UBXN2B: variants seen among roughly 807,000 people sequenced by gnomAD.
UBXN2B encodes the protein UBX domain protein 2B, also known as UBX domain-containing protein 2B.
Under a neutral mutation model 37.5 loss-of-function variants are expected in UBXN2B, and 19 were observed. The observed-to-expected ratio is 0.51, with a 90% CI of 0.35 to 0.74. The LOEUF is 0.74. Among genes scored for constraint, UBXN2B ranks in the 30% least tolerant of loss-of-function variants. The probability of loss-of-function intolerance (pLI) is 0.01; values close to 1 mark genes in which losing one functional copy is unlikely to be tolerated. For missense variants in UBXN2B, 370 were observed against 393.2 expected, an observed-to-expected ratio of 0.94 and a Z score of 0.50; for synonymous variants, 145 against 143.8, an observed-to-expected ratio of 1.01 and a Z score of -0.06.
intron 5 of UBXN2B, among the ~76,000 whole-genome samples, chr8:58,439,239 A>G (rs1808488054): frequency 6.6e-6 from 1 of 152,204 alleles, no homozygotes; most frequent in South Asian, 2.1e-4. Context: ...TAGTACACCC[A>G]ACAAGCAAAA....
In UBXN2B at chr8:58,417,232, A is replaced by T. The variant is rs1807808710; in HGVS notation, c.188+279A>T. On this transcript the variant is annotated intron_variant, in intron 2 of 7. Coordinates refer to ENST00000399598, the MANE Select transcript of UBXN2B (RefSeq NM_001077619.2). The stretch of plus-strand genomic sequence containing the variant: ...GATATCATATGAAATTATATCCTGA[A>T]TACTATTTTTCTTGGGCACAATGGT... Among the ~76,000 whole-genome samples, 5 of 152,302 alleles carry T rather than the reference A, an allele frequency of 3.3e-5. No individual in the cohort carries two copies. In the South Asian group the frequency reaches 1.0e-3, roughly 32 times the overall value.
At chr8:58,443,225 AT>A (rs1808593361) in intron 6 of UBXN2B, among the ~76,000 whole-genome samples, 2 of 152,210 alleles carry the variant, frequency 1.3e-5, no homozygotes, top group African/African-American at 4.8e-5. Context: ...CATTCTTATT[AT>A]GTTTCCCTCC....
intron 5 of UBXN2B, chr8:58,434,712 CA>C (rs1288142329): frequency 3.0e-5 from 39 of 1,319,448 alleles, no homozygotes; most frequent in Non-Finnish European, 3.5e-5. Flanking sequence ...TTTTGTGGGC[CA>C]GGGGCATTGG....
intron 2 of UBXN2B, among the ~76,000 whole-genome samples, chr8:58,430,125 G>T (rs1027988604): frequency 6.6e-6 from 1 of 152,142 alleles, no homozygotes; most frequent in Non-Finnish European, 1.5e-5. Context: ...CACTAACTAG[G>T]TCTCTACTGA....
intron 3 of UBXN2B, 56 bp downstream of exon 3, chr8:58,430,725 A>G: frequency 7.1e-6 from 9 of 1,259,822 alleles, no homozygotes; most frequent in African/African-American, 1.6e-5. Context: ...CTCCTCTTTC[A>G]TTTTTCTATT....
At chr8:58,440,890 G>T (rs957128699) in intron 6 of UBXN2B, among the ~76,000 whole-genome samples, 2 of 152,108 alleles carry the variant, frequency 1.3e-5, no homozygotes, top group African/African-American at 2.4e-5. Flanking sequence ...AGGAATTTAT[G>T]TTGACCTGTT....
intron 1 of UBXN2B, 27 bp downstream of exon 1, chr8:58,411,496 C>T (rs756031240): frequency 1.6e-5 from 20 of 1,246,906 alleles, no homozygotes; most frequent in South Asian, 3.6e-5. Context: ...GGGGAGGGAG[C>T]GCGGCGGTGG....
At chr8:58,427,322 G>A (rs558347343) in intron 2 of UBXN2B, among the ~76,000 whole-genome samples, 76 of 152,272 alleles carry the variant, frequency 5.0e-4, no homozygotes, top group African/African-American at 1.8e-3. Flanking sequence ...AAATAGCCAA[G>A]CGTGGTGGTG....
At chr8:58,412,389 C>G (rs1238388731) in intron 1 of UBXN2B, among the ~76,000 whole-genome samples, 5 of 152,170 alleles carry the variant, frequency 3.3e-5, no homozygotes, top group Admixed American at 3.3e-4. Flanking sequence ...AAAGACAGTT[C>G]TACCTTTTGG....
intron 6 of UBXN2B, among the ~76,000 whole-genome samples, chr8:58,440,610 C>T (rs16923480): frequency 0.2 from 30,209 of 152,108 alleles, 3,181 homozygotes; most frequent in Middle Eastern, 0.28. Context: ...ACCCTCTACT[C>T]GTCCACATAT....
At chr8:58,418,199 C>T (rs117574955) in intron 2 of UBXN2B, among the ~76,000 whole-genome samples, 26 of 142,682 alleles carry the variant, frequency 1.8e-4, no homozygotes, top group Middle Eastern at 3.9e-3. Flanking sequence ...CGAGATGGCG[C>T]GACTGCACTC....
At position 58,416,917 on chromosome 8, in the gene UBXN2B, CCA is replaced by C; in HGVS notation, c.155_156del (p.Thr52SerfsTer16). ...TCTTCCAAGTCTAATAGACCTAAAG[CCA>C]CAGTCTTCAAGAGCCCACGGACACC... On this transcript the variant is annotated frameshift_variant, in exon 2 of 8. Coordinates refer to ENST00000399598, the MANE Select transcript of UBXN2B (RefSeq NM_001077619.2). LOFTEE classifies it high-confidence loss of function. 1 of 1,611,782 alleles carries C rather than the reference CCA, an allele frequency of 6.2e-7. No individual in the cohort carries two copies. Among genetic ancestry groups the C allele is most frequent in the Non-Finnish European group, 8.5e-7 (1 of 1,178,416 alleles).
chr8:58,430,370 C>A (rs1808241378), intron 2 of UBXN2B, 149 bp from the exon 3 acceptor site: 1 of 522,588 alleles, frequency 1.9e-6, no homozygotes, highest in Non-Finnish European at 3.1e-6. Flanking sequence ...TTTCCTTAAT[C>A]CCATTTTAAA....
Position 58,438,375 on chromosome 8 carries a change from G to A in UBXN2B, c.534-1258G>A, listed in dbSNP as rs375686813. On this transcript the variant is annotated intron_variant, in intron 5 of 7. Transcript: ENST00000399598. ...AATGGTGGCGCCACCAGCAACCTGA[G>A]CCTGGAAAAGCCACAGGTCCTCACC... is the stretch of plus-strand genomic sequence containing the variant. 5.3e-4 allele frequency among the ~76,000 whole-genome samples: 81 copies of A among 152,302 alleles called. 6 individuals carry two copies. The South Asian group carries it at 0.017, about 32-fold the overall frequency.
intron 2 of UBXN2B, 76 bp from the exon 3 acceptor site, chr8:58,430,443 A>G (rs778950469): frequency 6.6e-6 from 7 of 1,061,104 alleles, no homozygotes; most frequent in Non-Finnish European, 8.8e-6. Context: ...TTTTATTTTC[A>G]TAAGACTATG....
intron 3 of UBXN2B, among the ~76,000 whole-genome samples, chr8:58,432,375 C>CTTTTTTTTTTTT (rs34018318): frequency 6.1e-5 from 5 of 81,520 alleles, no homozygotes; most frequent in African/African-American, 1.0e-4. Flanking sequence ...TTCTAAATTT[C>CTTTTTTTTTTTT]TTTTTTTTTT....
At chr8:58,438,583 ATC>A (rs886808552) in intron 5 of UBXN2B, among the ~76,000 whole-genome samples, 1 of 152,188 alleles carries the variant, frequency 6.6e-6, no homozygotes, top group Admixed American at 6.5e-5. Flanking sequence ...CTTTTGGCAG[ATC>A]TCTCTTTTGG....
Position 58,449,339 on chromosome 8 carries a change from G to T in UBXN2B, c.*1788G>T, listed in dbSNP as rs954496639. On this transcript the variant is annotated 3_prime_UTR_variant, in exon 8 of 8. Coordinates refer to ENST00000399598, the MANE Select transcript of UBXN2B (RefSeq NM_001077619.2). The stretch of plus-strand genomic sequence containing the variant: ...GCTCCACTCCTGTGTTAAAGATTCA[G>T]ATTCATCACAAATAAATTTACATCA... 2.7e-5 allele frequency: 4 copies of T among 147,838 alleles called. No individual in the cohort carries two copies. Among genetic ancestry groups the T allele is most frequent in the African/African-American group, 1.0e-4 (4 of 39,756 alleles). The allele number at this position is 147,838 out of a possible 1,614,324, so 9.2% of individuals were successfully genotyped here.
At position 58,447,436 on chromosome 8, in the gene UBXN2B, C is replaced by A; in HGVS notation, c.881C>A (p.Ala294Glu). ...NFIVQSRPEFAALDFILVTSF... is the reference protein window; with the variant it reads ...NFIVQSRPEFEALDFILVTSF... ...ATTGTACAGTCTCGTCCTGAATTTGCGGCTCTTGACTTTATTCTTGTGACT... is the reference window on the plus strand; with the variant it reads ...ATTGTACAGTCTCGTCCTGAATTTGAGGCTCTTGACTTTATTCTTGTGACT... Residue 294 changes from alanine to glutamate, a missense_variant, in exon 8 of 8, where the codon GCG becomes GAG. By Grantham distance (107) the Ala-to-Glu change is moderately radical (BLOSUM62 -1). This residue lies in a region of UBXN2B where 83 missense variants were observed against 83.5 expected (regional missense o/e 0.99). Coordinates refer to ENST00000399598, the MANE Select transcript of UBXN2B (RefSeq NM_001077619.2). The A allele has an allele frequency of 6.2e-7, 1 of 1,612,340 alleles. No homozygotes were observed. Among genetic ancestry groups the A allele is most frequent in the Non-Finnish European group, 8.5e-7 (1 of 1,179,056 alleles).
Sources: gnomAD v4.1 joint callset for allele counts (sites outside exome capture counted in the v4.1 genomes callset) on GRCh38, gnomAD v4.1.1 for gene constraint, gnomAD v4.1.1 regional missense constraint, MANE v1.5 for transcripts, NCBI Gene and HGNC (gene_info 2026-07-23, HGNC 2026-07-21) for gene names.